Variants in ACKR2 observed in about 807,000 individuals in gnomAD.
The protein encoded by ACKR2 is atypical chemokine receptor 2.
For synonymous variants in ACKR2, 207 were observed against 192.2 expected, an observed-to-expected ratio of 1.08 and a Z score of -0.64; for missense variants, 457 against 477.3, an observed-to-expected ratio of 0.96 and a Z score of 0.40.
chr3:42,828,322 G>C (rs1429231749), intron 2 of ACKR2, among the ~76,000 whole-genome samples: 5 of 151,908 alleles, frequency 3.3e-5, no homozygotes, highest in African/African-American at 7.3e-5. Flanking sequence ...TGTTGGTCAG[G>C]CTAGCCTTGA....
At chr3:42,838,415 T>TA (rs1284239175) in intron 2 of ACKR2, among the ~76,000 whole-genome samples, 1 of 152,118 alleles carries the variant, frequency 6.6e-6, no homozygotes, top group African/African-American at 2.4e-5. Flanking sequence ...TTGAAGAAGA[T>TA]ATAGGGATGT....
rs143673041 is a variant in ACKR2, at chr3:42,840,881, G to A, written c.-38+21170G>A. On this transcript the variant is annotated intron_variant, in intron 2 of 2. Coordinates refer to ENST00000422265, the MANE Select transcript of ACKR2 (RefSeq NM_001296.5). ...TTTTTTGTATTTTTAGTAGAGACAG[G>A]GTTTCATCATGTTGGCCAGACTGGT... 4.2e-3 allele frequency among the ~76,000 whole-genome samples: 636 copies of A among 152,210 alleles called. 3 individuals carry two copies. The highest frequency in any genetic ancestry group is 0.011 in the African/African-American group (475 of 41,528).
chr3:42,857,746 C>A (rs1359406919), intron 2 of ACKR2, among the ~76,000 whole-genome samples: 4 of 152,098 alleles, frequency 2.6e-5, no homozygotes, highest in Non-Finnish European at 5.9e-5. Context: ...TTTAAAAATT[C>A]TCAAAAAGCA....
At chr3:42,851,692 T>G (rs182092634) in intron 2 of ACKR2, among the ~76,000 whole-genome samples, 111 of 152,306 alleles carry the variant, frequency 7.3e-4, no homozygotes, top group Middle Eastern at 3.4e-3. Context: ...GAATCTGCTT[T>G]GCAGATTCTG....
chr3:42,825,871 T>TC (rs1187968978), intron 2 of ACKR2, among the ~76,000 whole-genome samples: 2 of 151,204 alleles, frequency 1.3e-5, no homozygotes, highest in Non-Finnish European at 3.0e-5. Context: ...TTTTGTTTTT[T>TC]TTTTTTGTAG....
intron 2 of ACKR2, among the ~76,000 whole-genome samples, chr3:42,849,200 G>A (rs1398342265): frequency 6.6e-6 from 1 of 152,098 alleles, no homozygotes; most frequent in Non-Finnish European, 1.5e-5. Context: ...ATGTAGATGT[G>A]TTAAAAGTAA....
intron 2 of ACKR2, among the ~76,000 whole-genome samples, chr3:42,828,025 T>G (rs1700886886): frequency 6.6e-6 from 1 of 151,544 alleles, no homozygotes; most frequent in Non-Finnish European, 1.5e-5. Context: ...AGGAAAGAGC[T>G]GTAGTCATAA....
chr3:42,848,183 A>C (rs987026801), intron 2 of ACKR2, among the ~76,000 whole-genome samples: 2 of 151,128 alleles, frequency 1.3e-5, no homozygotes, highest in Non-Finnish European at 2.9e-5. Flanking sequence ...AATACTTAAG[A>C]AGAAAGGCTA....
intron 2 of ACKR2, chr3:42,856,274 C>T (rs1412300709): frequency 1.2e-5 from 8 of 660,716 alleles, no homozygotes; most frequent in East Asian, 1.1e-4. Context: ...GTGTGGTTTC[C>T]ACAGCATCTG....
intron 2 of ACKR2, among the ~76,000 whole-genome samples, chr3:42,823,740 C>T (rs889817936): frequency 6.6e-5 from 10 of 152,302 alleles, no homozygotes; most frequent in African/African-American, 2.2e-4. Flanking sequence ...TACATTTTTG[C>T]GGAATGAATT....
At chr3:42,862,611 A>C (rs2088396064) in intron 2 of ACKR2, among the ~76,000 whole-genome samples, 1 of 152,196 alleles carries the variant, frequency 6.6e-6, no homozygotes, top group Admixed American at 6.5e-5. Context: ...TTCAAACTAT[A>C]CTACAAGTCT....
At chr3:42,816,818 A>G (rs1700755518) in intron 1 of ACKR2, among the ~76,000 whole-genome samples, 1 of 152,052 alleles carries the variant, frequency 6.6e-6, no homozygotes, top group Non-Finnish European at 1.5e-5. Context: ...TCAGCCTCCC[A>G]AAGTGCTGGG....
At position 42,866,872 on chromosome 3, in the gene ACKR2, A is replaced by C. The variant is rs1024913437; in HGVS notation, c.*1215A>C. The C allele has an allele frequency of 6.0e-6, 1 of 166,706 alleles. No individual in the cohort carries two copies. Among genetic ancestry groups the C allele is most frequent in the Non-Finnish European group, 1.5e-5 (1 of 68,076 alleles). 10.3% of individuals were successfully genotyped at this position (166,706 alleles called of 1,614,324 possible). Reference sequence around the variant, plus strand: ...AGAAAGAAATGAAGAACAAAAAAAAAGATTGATTTTTTTTTTTTTGAGACA... The same window carrying C: ...AGAAAGAAATGAAGAACAAAAAAAACGATTGATTTTTTTTTTTTTGAGACA... On this transcript the variant is annotated 3_prime_UTR_variant, in exon 3 of 3. Coordinates refer to ENST00000422265, the MANE Select transcript of ACKR2 (RefSeq NM_001296.5).
At chr3:42,816,949 G>C (rs1700756934) in intron 1 of ACKR2, among the ~76,000 whole-genome samples, 1 of 152,150 alleles carries the variant, frequency 6.6e-6, no homozygotes, top group South Asian at 2.1e-4. Flanking sequence ...AAAGGCACTG[G>C]CTTTGGGCCC....
At chr3:42,855,345 T>C (rs1020522424) in intron 2 of ACKR2, among the ~76,000 whole-genome samples, 3 of 152,218 alleles carry the variant, frequency 2.0e-5, no homozygotes, top group African/African-American at 7.2e-5. Context: ...GACTGATGGT[T>C]CCTTCCCAAT....
At chr3:42,857,668 TA>T (rs1019254075) in intron 2 of ACKR2, among the ~76,000 whole-genome samples, 3 of 152,198 alleles carry the variant, frequency 2.0e-5, no homozygotes, top group African/African-American at 4.8e-5. Flanking sequence ...AAATATTGGA[TA>T]AAATGTTTAA....
At chr3:42,820,878 C>T (rs548849782) in intron 2 of ACKR2, among the ~76,000 whole-genome samples, 1 of 146,650 alleles carries the variant, frequency 6.8e-6, no homozygotes, top group African/African-American at 2.5e-5. Context: ...GACAGTTCAT[C>T]AATAGTTTTT....
intron 1 of ACKR2, among the ~76,000 whole-genome samples, chr3:42,816,837 C>T (rs1285335484): frequency 2.6e-5 from 4 of 151,994 alleles, no homozygotes; most frequent in Non-Finnish European, 5.9e-5. Context: ...GGATTACAGA[C>T]GTGAGCCACC....
At position 42,856,490 on chromosome 3, in the gene ACKR2, AC is replaced by A. The variant is rs755763032; in HGVS notation, c.-37-7975del. 3.6e-5 allele frequency: 25 copies of A among 694,064 alleles called. No individual in the cohort carries two copies. In the South Asian group the frequency reaches 3.8e-4, roughly 11 times the overall value. The allele number at this position is 694,064 out of a possible 1,614,324, so 43.0% of individuals were successfully genotyped here. On this transcript the variant is annotated intron_variant, in intron 2 of 2. Transcript: ENST00000422265. ...AGTCTGCCTGAAAAAAGGGGATAAA[AC>A]TTTTATCAGAAAGGGCTAAGGAAAA...
Sources: allele counts gnomAD v4.1 joint callset (sites outside exome capture counted in the v4.1 genomes callset), GRCh38; gene constraint gnomAD v4.1.1; transcripts MANE v1.5; gene names NCBI Gene and HGNC (gene_info 2026-07-23, HGNC 2026-07-21).